The following MMP17 variants were observed in gnomAD, a reference collection of about 807,000 sequenced individuals.
MMP17 encodes the protein matrix metallopeptidase 17.
A neutral mutation model predicts 49.1 loss-of-function variants in MMP17; 54 were observed. The ratio of observed to expected loss-of-function variants is 1.10; its 90% CI spans 0.88 to 1.38. The LOEUF (loss-of-function observed/expected upper bound fraction) is 1.38. MMP17 is among the 40% of genes most tolerant of loss of function. The probability of loss-of-function intolerance (pLI) is 0.00; values close to 1 mark genes in which losing one functional copy is unlikely to be tolerated. For synonymous variants in MMP17, 397 were observed against 383.1 expected, an observed-to-expected ratio of 1.04 and a Z score of -0.42; for missense variants, 837 against 853.7, an observed-to-expected ratio of 0.98 and a Z score of 0.24.
chr12:131,841,316 G>C (rs118090090), intron 4 of MMP17, among the ~76,000 whole-genome samples: 1 of 152,216 alleles, frequency 6.6e-6, no homozygotes, highest in Non-Finnish European at 1.5e-5. Context: ...CAGGTCATCC[G>C]ACCGACACCT....
intron 1 of MMP17, among the ~76,000 whole-genome samples, chr12:131,836,986 G>C (rs1268712172): frequency 6.6e-6 from 1 of 152,214 alleles, no homozygotes; most frequent in Non-Finnish European, 1.5e-5. Flanking sequence ...GCCCCTCCAG[G>C]GTAGCAGAGA....
At chr12:131,830,506 G>T (rs1454350348) in intron 1 of MMP17, among the ~76,000 whole-genome samples, 8 of 152,254 alleles carry the variant, frequency 5.3e-5, no homozygotes, top group African/African-American at 1.7e-4. Context: ...GCGGTGCGGG[G>T]CGTCCTCTGC....
Position 131,850,905 on chromosome 12 carries a change from G to C in MMP17, c.1463-20G>C. ...CTGCTGCAGCCCTCCCCTGAGCTCA[G>C]CTCTCCCTCCTCTTCTCAGGTGCCT... On this transcript the variant is annotated intron_variant, in intron 9 of 9. Transcript: ENST00000360564. 6.9e-7 allele frequency: 1 copy of C among 1,456,588 alleles called. No individual in the cohort carries two copies. The highest frequency in any genetic ancestry group is 2.7e-5 in the East Asian group (1 of 37,668). The allele number at this position is 1,456,588 out of a possible 1,614,324, so 90.2% of individuals were successfully genotyped here.
intron 4 of MMP17, among the ~76,000 whole-genome samples, chr12:131,841,132 G>A (rs965369381): frequency 3.3e-5 from 5 of 152,322 alleles, no homozygotes; most frequent in South Asian, 2.1e-4. Context: ...GGAGGCCTGC[G>A]AGGCCTCTGT....
At chr12:131,833,738 TGGGGGTCGGGCCCTCATTCATCTGCA>T (rs1240781309) in intron 1 of MMP17, among the ~76,000 whole-genome samples, 2 of 152,198 alleles carry the variant, frequency 1.3e-5, no homozygotes, top group Non-Finnish European at 2.9e-5. Flanking sequence ...CAGATGAGTA[TGGGGGTCGGGCCCTCATTCATCTGCA>T]GGGGCCAGGC....
At position 131,850,924 on chromosome 12, in the gene MMP17, G is replaced by A. The variant is rs1887938330; in HGVS notation, c.1463-1G>A. The A allele has an allele frequency of 6.8e-7, 1 of 1,471,596 alleles. No individual in the cohort carries two copies. The highest frequency in any genetic ancestry group is 9.0e-7 in the Non-Finnish European group (1 of 1,109,250). 91.2% of individuals were successfully genotyped at this position (1,471,596 alleles called of 1,614,324 possible). A position where few individuals can be genotyped will look rare whatever the true frequency, so the allele number is the denominator to read the frequency against. On this transcript the variant is annotated splice_acceptor_variant, in intron 9 of 9. Transcript: ENST00000360564. LOFTEE classifies it high-confidence loss of function. Reference sequence around the variant, plus strand: ...AGCTCAGCTCTCCCTCCTCTTCTCAGGTGCCTCCTACTTCTTCCGTGGCCA... The same window carrying A: ...AGCTCAGCTCTCCCTCCTCTTCTCAAGTGCCTCCTACTTCTTCCGTGGCCA...
intron 5 of MMP17, among the ~76,000 whole-genome samples, chr12:131,843,362 C>T (rs1887522991): frequency 6.7e-6 from 1 of 149,646 alleles, no homozygotes; most frequent in African/African-American, 2.5e-5. Context: ...CCTCCTGACT[C>T]AGCCTCCTGA....
At chr12:131,840,366 C>G (rs1381695841) in intron 3 of MMP17, 1 of 545,416 alleles carries the variant, frequency 1.8e-6, no homozygotes, top group Admixed American at 3.2e-5. Context: ...CCTGGGCTCT[C>G]ATTTCCCTCC....
At chr12:131,843,170 G>C (rs1392461779) in intron 5 of MMP17, among the ~76,000 whole-genome samples, 1 of 151,092 alleles carries the variant, frequency 6.6e-6, no homozygotes, top group Non-Finnish European at 1.5e-5. Context: ...GGGTTTCACT[G>C]TTAGCCAGGA....
rs1204492944 is a variant in MMP17, at chr12:131,840,589, C to T, written c.439C>T (p.Arg147Trp). Residue 147 changes from arginine (R) to tryptophan (W), a missense_variant, in exon 4 of 10, where the codon CGG (arginine) becomes TGG (tryptophan). Coordinates refer to ENST00000360564, the MANE Select transcript of MMP17 (RefSeq NM_016155.7). Reference sequence around the variant, plus strand: ...TGCCTGCAGGGTCCGGACGTTCCCACGGGACTCACCACTGGGGCACGACAC... The same window carrying T: ...TGCCTGCAGGGTCCGGACGTTCCCATGGGACTCACCACTGGGGCACGACAC... ...NLSWRVRTFP[R>W]DSPLGHDTVR... The T allele has an allele frequency of 5.0e-6, 8 of 1,593,692 alleles. No homozygotes were observed. Among genetic ancestry groups the T allele is most frequent in the East Asian group, 4.5e-5 (2 of 44,566 alleles).
At chr12:131,838,054 G>A in intron 1 of MMP17, 141 bp from the exon 2 acceptor site, 1 of 1,087,808 alleles carries the variant, frequency 9.2e-7, no homozygotes, top group Non-Finnish European at 1.3e-6. Flanking sequence ...AGCTGCCCAG[G>A]GAAGAGACAA....
At chr12:131,849,683 T>TC in intron 8 of MMP17, 119 bp from the exon 9 acceptor site, 1 of 1,170,890 alleles carries the variant, frequency 8.5e-7, no homozygotes, top group Non-Finnish European at 1.2e-6. Context: ...CGCTGTCCCA[T>TC]CAAGCCCAGG....
chr12:131,845,001 G>A, intron 6 of MMP17, 117 bp from the exon 7 acceptor site: 1 of 1,021,636 alleles, frequency 9.8e-7, no homozygotes, highest in Non-Finnish European at 1.5e-6. Context: ...GCAAGGATAG[G>A]GGCTCCACAC....
At chr12:131,844,963 T>A in intron 6 of MMP17, 155 bp from the exon 7 acceptor site, 1 of 669,288 alleles carries the variant, frequency 1.5e-6, no homozygotes, top group Non-Finnish European at 2.5e-6. Context: ...GGCACCCCCG[T>A]TTTAATTTGC....
At chr12:131,840,980 C>T (rs1285491586) in intron 4 of MMP17, 124 bp downstream of exon 4, 11 of 1,217,472 alleles carry the variant, frequency 9.0e-6, no homozygotes, top group East Asian at 2.6e-5. Context: ...CTCCTGAGCA[C>T]GGCTGGGCAT....
intron 1 of MMP17, among the ~76,000 whole-genome samples, chr12:131,834,446 G>A (rs963658118): frequency 3.9e-5 from 6 of 152,176 alleles, no homozygotes; most frequent in Admixed American, 6.5e-5. Context: ...GTGGAGGGGG[G>A]CAGGTAGCAG....
Position 131,850,980 on chromosome 12 carries a change from G to C in MMP17, c.1518G>C (p.Leu506=). 6.4e-7 allele frequency: 1 copy of C among 1,558,008 alleles called. No individual in the cohort carries two copies. Among genetic ancestry groups the C allele is most frequent in the Non-Finnish European group, 8.7e-7 (1 of 1,153,842 alleles). The part of the protein sequence containing the change: ...QEYWKVLDGE[L]EVAPGYPQST... ...ACTGGAAAGTGCTGGATGGCGAGCT[G>C]GAGGTGGCACCCGGGTACCCACAGT... Residue 506 remains leucine, a synonymous_variant, in exon 10 of 10, where the codon CTG becomes CTC. Transcript: ENST00000360564.
intron 6 of MMP17, 91 bp downstream of exon 6, chr12:131,844,172 G>C: frequency 1.8e-6 from 2 of 1,131,908 alleles, no homozygotes; most frequent in Non-Finnish European, 2.5e-6. Flanking sequence ...GTGGCTCAGA[G>C]TCCTGGGAAA....
At chr12:131,837,237 A>G (rs573829799) in intron 1 of MMP17, among the ~76,000 whole-genome samples, 70 of 152,352 alleles carry the variant, frequency 4.6e-4, no homozygotes, top group African/African-American at 1.6e-3. Context: ...GCCTTGCCCC[A>G]GGCACACAGC....
Sources: allele counts gnomAD v4.1 joint callset (sites outside exome capture counted in the v4.1 genomes callset), GRCh38; gene constraint gnomAD v4.1.1; transcripts MANE v1.5; gene names NCBI Gene and HGNC (gene_info 2026-07-23, HGNC 2026-07-21).